The following DPF2 variants were observed in gnomAD, a reference collection of about 807,000 sequenced individuals.
DPF2 encodes double PHD fingers 2.
A neutral mutation model predicts 59.6 loss-of-function variants in DPF2; 10 were observed. That is an observed-to-expected ratio of 0.17 (90% CI 0.10 to 0.28). The LOEUF is 0.28. Among genes scored for constraint, DPF2 ranks in the 10% least tolerant of loss-of-function variants. The pLI, the probability that DPF2 is intolerant of heterozygous loss-of-function variation, is 1.00. For missense variants in DPF2, 315 were observed against 509.4 expected, an observed-to-expected ratio of 0.62 and a Z score of 3.67; for synonymous variants, 189 against 190.6, an observed-to-expected ratio of 0.99 and a Z score of 0.07.
chr11:65,352,612 C>G lies in DPF2; in HGVS notation c.*853C>G, dbSNP rs1301053910. 6.6e-6 allele frequency: 1 copy of G among 152,650 alleles called. No homozygotes were observed. The highest frequency in any genetic ancestry group is 6.5e-5 in the Admixed American group (1 of 15,272). 9.5% of individuals were successfully genotyped at this position (152,650 alleles called of 1,614,324 possible). ...ACAAAAAAGCCTACCTCCAAAATCCCCTTTTTGTTCTTCCTGGACCTGGGC... is the reference window on the plus strand; with the variant it reads ...ACAAAAAAGCCTACCTCCAAAATCCGCTTTTTGTTCTTCCTGGACCTGGGC... On this transcript the variant is annotated 3_prime_UTR_variant, in exon 11 of 11. Coordinates refer to ENST00000528416, the MANE Select transcript of DPF2 (RefSeq NM_006268.5).
At chr11:65,338,495 G>A (rs571025532) in intron 1 of DPF2, among the ~76,000 whole-genome samples, 12 of 152,290 alleles carry the variant, frequency 7.9e-5, no homozygotes, top group African/African-American at 1.2e-4. Context: ...TCCAGTGTCC[G>A]TATCAATTCC....
intron 10 of DPF2, among the ~76,000 whole-genome samples, chr11:65,349,200 T>G (rs1180984716): frequency 6.6e-6 from 1 of 152,216 alleles, no homozygotes; most frequent in Non-Finnish European, 1.5e-5. Context: ...AGGAATGATT[T>G]ATTTTCTTCC....
At chr11:65,347,925 G>A (rs1854584416) in intron 9 of DPF2, 1 of 152,184 alleles carries the variant, frequency 6.6e-6, no homozygotes, top group Admixed American at 6.5e-5. Flanking sequence ...TGGTATTACA[G>A]GTGTGAGCCA....
intron 1 of DPF2, among the ~76,000 whole-genome samples, chr11:65,337,504 T>TATATATAG (rs1282367012): frequency 1.1e-3 from 23 of 21,396 alleles, no homozygotes; most frequent in Non-Finnish European, 1.6e-3. Flanking sequence ...TATATATATA[T>TATATATAG]AGAGAGAGAG....
intron 10 of DPF2, among the ~76,000 whole-genome samples, chr11:65,350,525 AG>A (rs1854665764): frequency 6.6e-6 from 1 of 150,438 alleles, no homozygotes; most frequent in Non-Finnish European, 1.5e-5. Context: ...CTGGGACTAC[AG>A]GCATGCCACC....
chr11:65,337,504 T>TATATATATAGAGAG (rs1282367012), intron 1 of DPF2, among the ~76,000 whole-genome samples: 5 of 21,396 alleles, frequency 2.3e-4, no homozygotes, highest in Non-Finnish European at 4.0e-4. Context: ...TATATATATA[T>TATATATATAGAGAG]AGAGAGAGAG....
chr11:65,346,117 T>C (rs1257042116), intron 8 of DPF2, 59 bp downstream of exon 8: 2 of 1,608,546 alleles, frequency 1.2e-6, no homozygotes, highest in Non-Finnish European at 1.7e-6. Context: ...CTTGGCTTGC[T>C]GGCCTCTAGG....
Position 65,351,972 on chromosome 11 carries a change from G to A in DPF2, c.*213G>A, listed in dbSNP as rs1277742805. ...CTCAGGGAGAAAGGAGCAACACACTGCCCCTAGGCGTGCGTGTGGCCCAGT... is the reference window on the plus strand; with the variant it reads ...CTCAGGGAGAAAGGAGCAACACACTACCCCTAGGCGTGCGTGTGGCCCAGT... On this transcript the variant is annotated 3_prime_UTR_variant, in exon 11 of 11. Coordinates refer to ENST00000528416, the MANE Select transcript of DPF2 (RefSeq NM_006268.5). 6 of 589,518 alleles carry A rather than the reference G, an allele frequency of 1.0e-5. No homozygotes were observed. In the East Asian group the frequency reaches 1.7e-4, roughly 17 times the overall value. The allele number at this position is 589,518 out of a possible 1,614,324, so 36.5% of individuals were successfully genotyped here.
intron 3 of DPF2, 67 bp downstream of exon 3, chr11:65,341,140 A>T: frequency 6.6e-7 from 1 of 1,523,002 alleles, no homozygotes; most frequent in Non-Finnish European, 9.1e-7. Context: ...AATCACTGTG[A>T]TATACCAGGC....
intron 2 of DPF2, 84 bp from the exon 3 acceptor site, chr11:65,340,882 G>A (rs536494688): frequency 7.4e-7 from 1 of 1,354,326 alleles, no homozygotes; most frequent in Non-Finnish European, 1.0e-6. Context: ...GAACTCAAAG[G>A]GGGGCCTACT....
intron 1 of DPF2, among the ~76,000 whole-genome samples, chr11:65,337,159 C>T (rs967365880): frequency 6.6e-6 from 1 of 150,794 alleles, no homozygotes; most frequent in Admixed American, 6.6e-5. Flanking sequence ...ACTTTCTAGG[C>T]AAAATCTAGA....
intron 9 of DPF2, chr11:65,346,575 T>A (rs111713619): frequency 6.0e-6 from 3 of 498,720 alleles, no homozygotes; most frequent in African/African-American, 5.9e-5. Flanking sequence ...TCACTAAAGA[T>A]GCTAAAGACA....
intron 1 of DPF2, among the ~76,000 whole-genome samples, chr11:65,335,453 T>A (rs1219937017): frequency 6.6e-6 from 1 of 152,174 alleles, no homozygotes; most frequent in Admixed American, 6.5e-5. Context: ...AAGATTTTCC[T>A]CAGAGAAATA....
rs558064045 is a variant in DPF2, at chr11:65,352,978, A to G, written c.*1219A>G. On this transcript the variant is annotated 3_prime_UTR_variant, in exon 11 of 11. Coordinates refer to ENST00000528416, the MANE Select transcript of DPF2 (RefSeq NM_006268.5). ...TTAGTAAAAATAAATGTTTTTACAC[A>G]GAGCCCTCTGCTGGATGGTTTATCT... 4 of 152,038 alleles carry G rather than the reference A, an allele frequency of 2.6e-5. No homozygotes were observed. In the East Asian group the frequency reaches 7.7e-4, roughly 29 times the overall value. 9.4% of individuals were successfully genotyped at this position (152,038 alleles called of 1,614,324 possible).
In DPF2 at chr11:65,351,679, G is replaced by T. The variant is rs1854701067; in HGVS notation, c.1100-4G>T. ...CATCCTGACCCCATTTTGCCTCTCT[G>T]CAGGAAGTTGGAGCTGCCACCTGTG... On this transcript the variant is annotated splice_region_variant and splice_polypyrimidine_tract_variant and intron_variant, in intron 10 of 10. Coordinates refer to ENST00000528416, the MANE Select transcript of DPF2 (RefSeq NM_006268.5). The T allele has an allele frequency of 1.2e-5, 20 of 1,614,044 alleles. No individual in the cohort carries two copies. The highest frequency in any genetic ancestry group is 1.7e-5 in the Non-Finnish European group (20 of 1,180,034).
chr11:65,337,543 A>AGAGAGG (rs1449977686), intron 1 of DPF2, among the ~76,000 whole-genome samples: 28 of 137,510 alleles, frequency 2.0e-4, no homozygotes, highest in African/African-American at 6.8e-4. Flanking sequence ...AGAGAGAGAG[A>AGAGAGG]GAGAACAATG....
intron 1 of DPF2, among the ~76,000 whole-genome samples, chr11:65,336,152 AT>A (rs1423615476): frequency 2.0e-5 from 3 of 151,924 alleles, no homozygotes; most frequent in Non-Finnish European, 4.4e-5. Context: ...TGGGAAAAGA[AT>A]TTTCTTATTT....
intron 1 of DPF2, among the ~76,000 whole-genome samples, chr11:65,334,717 C>A (rs1950073211): frequency 6.6e-6 from 1 of 152,162 alleles, no homozygotes; most frequent in African/African-American, 2.4e-5. Context: ...GTTAAAGATG[C>A]TTTGGGACTT....
chr11:65,338,656 T>C (rs111538993), intron 1 of DPF2, among the ~76,000 whole-genome samples: 52 of 152,300 alleles, frequency 3.4e-4, no homozygotes, highest in African/African-American at 1.1e-3. Context: ...CGTGCCTACC[T>C]CAGATTACAG....
Sources: allele counts gnomAD v4.1 joint callset (sites outside exome capture counted in the v4.1 genomes callset), GRCh38; gene constraint gnomAD v4.1.1; transcripts MANE v1.5; gene names NCBI Gene and HGNC (gene_info 2026-07-23, HGNC 2026-07-21).